GIN1: variants seen among roughly 807,000 people sequenced by gnomAD.
The protein encoded by GIN1 is gypsy retrotransposon integrase-like protein 1.
A neutral mutation model predicts 51.4 loss-of-function variants in GIN1; 41 were observed. That is an observed-to-expected ratio of 0.80 (90% confidence interval 0.62 to 1.04). The LOEUF is 1.04. Ranked by LOEUF, GIN1 falls within the 50% of genes least tolerant of loss-of-function variation. GIN1 has a pLI of 0.00. For missense variants in GIN1, 610 were observed against 612.4 expected (o/e 1.00, Z 0.04); for synonymous variants, 222 against 206.5 (o/e 1.07, Z -0.64).
chr5:103,089,112 G>C (rs1195373531), intron 7 of GIN1, among the ~76,000 whole-genome samples: 1 of 152,084 alleles, frequency 6.6e-6, no homozygotes, highest in African/African-American at 2.4e-5. Flanking sequence ...AAATTCTTAG[G>C]AACTTTTAAG....
chr5:103,106,852 G>A lies in GIN1; in HGVS notation c.197C>T (p.Ser66Leu), dbSNP rs782470342. 6.3e-7 allele frequency: 1 copy of A among 1,597,134 alleles called. No homozygotes were observed. Among genetic ancestry groups the A allele is most frequent in the African/African-American group, 1.4e-5 (1 of 73,988 alleles). The change falls in exon 3 of 8, where the codon TCA (serine) becomes TTA (leucine). Residue 66 changes from serine (S) to leucine (L), a missense_variant. Ser to Leu is a moderately radical substitution (Grantham distance 145). Coordinates refer to ENST00000399004, the MANE Select transcript of GIN1 (RefSeq NM_017676.2). ...TAAGACTTTCTTTTTTTCCTCTTCT[G>A]AAACAATTACCAAACGATTTTGTTT... ...DRKQNRLVIV[S>L]EEEKKKVLRE...
intron 1 of GIN1, among the ~76,000 whole-genome samples, chr5:103,116,217 A>G (rs1788026341): frequency 6.6e-6 from 1 of 152,134 alleles, no homozygotes; most frequent in Admixed American, 6.5e-5. Context: ...AGAATTTCAC[A>G]TTATTTGGTT....
chr5:103,102,373 T>C (rs1554195874), intron 4 of GIN1: 2 of 152,186 alleles, frequency 1.3e-5, no homozygotes, highest in African/African-American at 4.8e-5. Flanking sequence ...TTTGACACCA[T>C]GAAAACTACC....
Position 103,089,807 on chromosome 5 carries a change from CATT to C in GIN1, c.1295-1638_1295-1636del, listed in dbSNP as rs561165173. On this transcript the variant is annotated intron_variant, in intron 7 of 7. Coordinates refer to ENST00000399004, the MANE Select transcript of GIN1 (RefSeq NM_017676.2). ...AATCCTACTGTACTCACCCTCATAA[CATT>C]ATTACAAATAGCTCACTGAACCTAT... Among the ~76,000 whole-genome samples, 435 of 152,262 alleles carry C rather than the reference CATT, an allele frequency of 2.9e-3. 3 individuals carry two copies. Among genetic ancestry groups the C allele is most frequent in the African/African-American group, 9.5e-3 (394 of 41,546 alleles).
intron 7 of GIN1, 100 bp downstream of exon 7, chr5:103,096,440 GA>G (rs1326436589): frequency 6.8e-6 from 6 of 884,358 alleles, no homozygotes; most frequent in African/African-American, 3.4e-5. Context: ...ATGAAGAAGG[GA>G]AAAGAAAACC....
chr5:103,095,580 T>C (rs1787369651), intron 7 of GIN1, among the ~76,000 whole-genome samples: 1 of 152,226 alleles, frequency 6.6e-6, no homozygotes, highest in East Asian at 1.9e-4. Context: ...TTGGCATTAA[T>C]GATCACAGTT....
At chr5:103,107,610 T>A (rs547837267) in intron 2 of GIN1, among the ~76,000 whole-genome samples, 1 of 152,244 alleles carries the variant, frequency 6.6e-6, no homozygotes, top group East Asian at 1.9e-4. Flanking sequence ...ACACTCCTTA[T>A]TTTTTAGAAT....
chr5:103,099,267 C>G (rs1787501538), intron 4 of GIN1, among the ~76,000 whole-genome samples: 1 of 152,072 alleles, frequency 6.6e-6, no homozygotes, highest in Admixed American at 6.6e-5. Context: ...CACTCTCTCC[C>G]TTCTTTCTGA....
rs782142894 is a variant in GIN1 at position 103,108,698 on chromosome 5, T to C, written c.10A>G (p.Ser4Gly). MVRSGKNGDLHLKQ... is the reference protein window; with the variant it reads MVRGGKNGDLHLKQ... Reference sequence around the variant, plus strand: ...AGATGAAGGTCACCATTTTTTCCACTACGGACCATTGTGAACCTAGGTAAA... The same window carrying C: ...AGATGAAGGTCACCATTTTTTCCACCACGGACCATTGTGAACCTAGGTAAA... Residue 4 changes from serine (S) to glycine (G), a missense_variant, in exon 2 of 8, where the codon AGT becomes GGT. Transcript: ENST00000399004. 6.3e-6 allele frequency: 10 copies of C among 1,599,688 alleles called. No homozygotes were observed. The highest frequency in any genetic ancestry group is 8.5e-6 in the Non-Finnish European group (10 of 1,170,942).
chr5:103,096,575 G>C lies in GIN1; in HGVS notation c.1260C>G (p.His420Gln). The C allele has an allele frequency of 6.2e-7, 1 of 1,613,358 alleles. No individual in the cohort carries two copies. Among genetic ancestry groups the C allele is most frequent in the Non-Finnish European group, 8.5e-7 (1 of 1,179,396 alleles). The stretch of plus-strand genomic sequence containing the variant: ...TGGATTCTCTTATGTAGGGCTTAAG[G>C]TGGGACATTTTGATAGGTCTTTTCA... ...VRLKRPIKMS[H>Q]LKPYIRESSE... Residue 420 changes from histidine to glutamine, a missense_variant, in exon 7 of 8, where the codon CAC becomes CAG. His to Gln is a conservative substitution (Grantham distance 24). Coordinates refer to ENST00000399004, the MANE Select transcript of GIN1 (RefSeq NM_017676.2).
chr5:103,117,832 G>A (rs528285580), intron 1 of GIN1, among the ~76,000 whole-genome samples: 2 of 152,150 alleles, frequency 1.3e-5, no homozygotes, highest in South Asian at 4.1e-4. Context: ...ATTTACTCAA[G>A]GTAATAAAGT....
At chr5:103,102,142 T>C (rs1400741865) in intron 4 of GIN1, 7 of 152,232 alleles carry the variant, frequency 4.6e-5, no homozygotes, top group African/African-American at 1.7e-4. Context: ...TATATTTTTT[T>C]CTGTTTCTAC....
chr5:103,091,779 C>T (rs1787244628), intron 7 of GIN1, among the ~76,000 whole-genome samples: 1 of 151,782 alleles, frequency 6.6e-6, no homozygotes, highest in African/African-American at 2.4e-5. Flanking sequence ...AATCCCAGTA[C>T]TTTGGGAGGC....
rs1787408411 is a variant in GIN1 at position 103,096,817 on chromosome 5, TG to T, written c.1017del (p.Asn339LysfsTer7). ...CTTTTATTTAGTTCATCCAAATTGTTGTTCTCCATCTACAAGTGTAAAAAGA... is the reference window on the plus strand; with the variant it reads ...CTTTTATTTAGTTCATCCAAATTGTTTTCTCCATCTACAAGTGTAAAAAGA... ...NKTTSLGQME[N>X]NNLDELNKSK... On this transcript the variant is annotated frameshift_variant, in exon 7 of 8. Coordinates refer to ENST00000399004, the MANE Select transcript of GIN1 (RefSeq NM_017676.2). LOFTEE classifies it high-confidence loss of function. 1 of 1,585,914 alleles carries T rather than the reference TG, an allele frequency of 6.3e-7. No homozygotes were observed. The highest frequency in any genetic ancestry group is 8.6e-7 in the Non-Finnish European group (1 of 1,156,246).
intron 1 of GIN1, among the ~76,000 whole-genome samples, chr5:103,114,709 ATG>A (rs1787981261): frequency 1.3e-5 from 2 of 152,204 alleles, no homozygotes; most frequent in Non-Finnish European, 2.9e-5. Flanking sequence ...TCACAGTAAT[ATG>A]TGTCAACCTT....
chr5:103,103,099 G>A (rs1554195938), intron 4 of GIN1, among the ~76,000 whole-genome samples: 1 of 152,176 alleles, frequency 6.6e-6, no homozygotes, highest in East Asian at 1.9e-4. Context: ...CTTGGCTAAT[G>A]TCTAGGAGCT....
chr5:103,099,551 G>T lies in GIN1; in HGVS notation c.640-1770C>A, dbSNP rs189348678. Among the ~76,000 whole-genome samples the T allele has an allele frequency of 3.3e-5, 5 of 152,106 alleles. No individual in the cohort carries two copies. In the East Asian group the frequency reaches 9.7e-4, roughly 29 times the overall value. Reference sequence around the variant, plus strand: ...AGCTTCAATCTGAGTCTTGATTAATGGTTTGAAATGACCCTTGAAAAAGGC... The same window carrying T: ...AGCTTCAATCTGAGTCTTGATTAATTGTTTGAAATGACCCTTGAAAAAGGC... On this transcript the variant is annotated intron_variant, in intron 4 of 7. Transcript: ENST00000399004.
chr5:103,111,242 A>G (rs1787874131), intron 1 of GIN1, among the ~76,000 whole-genome samples: 1 of 152,136 alleles, frequency 6.6e-6, no homozygotes, highest in Non-Finnish European at 1.5e-5. Flanking sequence ...TCTCTATACT[A>G]CAATGATAAC....
chr5:103,097,188 A>T, intron 6 of GIN1, 126 bp downstream of exon 6: 1 of 648,274 alleles, frequency 1.5e-6, no homozygotes, highest in Non-Finnish European at 2.7e-6. Context: ...AATCTGATAG[A>T]TAAAAAATTA....
Sources: allele counts gnomAD v4.1 joint callset (sites outside exome capture counted in the v4.1 genomes callset), GRCh38; gene constraint gnomAD v4.1.1; transcripts MANE v1.5; gene names NCBI Gene and HGNC (gene_info 2026-07-23, HGNC 2026-07-21).